Variants in TMPRSS11A observed in about 807,000 individuals in gnomAD.
TMPRSS11A encodes the protein transmembrane serine protease 11A.
A neutral mutation model predicts 58.9 loss-of-function variants in TMPRSS11A; 53 were observed. The observed-to-expected ratio is 0.90, with a 90% CI of 0.72 to 1.13. The LOEUF (loss-of-function observed/expected upper bound fraction) is 1.13. TMPRSS11A is among the 50% of genes most tolerant of loss of function. The pLI is 0.00. For missense variants in TMPRSS11A, 493 were observed against 499.3 expected (o/e 0.99, Z 0.12); for synonymous variants, 167 against 169.8 (o/e 0.98, Z 0.13).
intron 1 of TMPRSS11A, among the ~76,000 whole-genome samples, chr4:67,949,020 C>A (rs950230671): frequency 3.3e-5 from 5 of 151,922 alleles, no homozygotes; most frequent in Admixed American, 6.5e-5. Context: ...CATACATATT[C>A]AATTTGTTCA....
rs149115776 is a variant in TMPRSS11A, at chr4:67,946,519, C to A, written c.64G>T (p.Val22Phe). 6.2e-7 allele frequency: 1 copy of A among 1,612,402 alleles called. No individual in the cohort carries two copies. Among genetic ancestry groups the A allele is most frequent in the East Asian group, 2.2e-5 (1 of 44,744 alleles). The change falls in exon 2 of 10, where the codon GTT becomes TTT. Residue 22 changes from valine (V) to phenylalanine (F), a missense_variant. Transcript: ENST00000508048. Reference sequence around the variant, plus strand: ...ACTGTCAGGGACAACACAATGAGAACGGCAATCATCCATGGCTTCAGATTT... The same window carrying A: ...ACTGTCAGGGACAACACAATGAGAAAGGCAATCATCCATGGCTTCAGATTT... ...SRNLKPWMIA[V>F]LIVLSLTVVA... is the part of the protein sequence containing the mutation.
chr4:67,931,108 G>A (rs961846424), intron 4 of TMPRSS11A, among the ~76,000 whole-genome samples: 6 of 151,964 alleles, frequency 3.9e-5, no homozygotes, highest in African/African-American at 1.4e-4. Flanking sequence ...ATATGGTAAA[G>A]GAGAATTTGA....
chr4:67,939,817 T>A (rs910225545), intron 3 of TMPRSS11A, among the ~76,000 whole-genome samples: 1 of 152,020 alleles, frequency 6.6e-6, no homozygotes, highest in Non-Finnish European at 1.5e-5. Context: ...GCCCTCCGAG[T>A]AGCTGGGATT....
chr4:67,942,936 G>A (rs747889757), intron 3 of TMPRSS11A, among the ~76,000 whole-genome samples: 1 of 152,128 alleles, frequency 6.6e-6, no homozygotes, highest in Non-Finnish European at 1.5e-5. Context: ...AACACAAAAT[G>A]TAAGTTAAAA....
Position 67,963,469 on chromosome 4 carries a change from T to G in TMPRSS11A, c.-76A>C. 289 of 1,450,562 alleles carry G rather than the reference T, an allele frequency of 2.0e-4. No individual in the cohort carries two copies. The highest frequency in any genetic ancestry group is 2.6e-4 in the Non-Finnish European group (274 of 1,039,852). The allele number at this position is 1,450,562 out of a possible 1,614,324, so 89.9% of individuals were successfully genotyped here. A position where few individuals can be genotyped will look rare whatever the true frequency, so the allele number is the denominator to read the frequency against. ...TTTCTAATCAACTATATGACATCTC[T>G]AGATGTATTAGAAGTCTACGGCTCA... On this transcript the variant is annotated 5_prime_UTR_variant, in exon 1 of 10. Transcript: ENST00000508048.
intron 1 of TMPRSS11A, among the ~76,000 whole-genome samples, chr4:67,954,141 C>T (rs1184892484): frequency 2.0e-5 from 3 of 152,166 alleles, no homozygotes; most frequent in African/African-American, 7.2e-5. Context: ...ATTTCCTCAC[C>T]TATCTAGAAA....
In TMPRSS11A at chr4:67,911,350, C is replaced by T. The variant is rs1303463414; in HGVS notation, c.1249G>A (p.Gly417Ser). 1.2e-6 allele frequency: 2 copies of T among 1,612,660 alleles called. No individual in the cohort carries two copies. The highest frequency in any genetic ancestry group is 1.7e-6 in the Non-Finnish European group (2 of 1,179,280). ...YYRNWIASKT[G>S]I Reference sequence around the variant, plus strand: ...TTAACTTTTATCGTGAATTAGATGCCTGTTTTTGAAGCAATCCAGTTTCGG... The same window carrying T: ...TTAACTTTTATCGTGAATTAGATGCTTGTTTTTGAAGCAATCCAGTTTCGG... Residue 417 changes from glycine (G) to serine (S), a missense_variant, in exon 10 of 10, where the codon GGC becomes AGC. Transcript: ENST00000508048.
chr4:67,963,329 C>A, intron 1 of TMPRSS11A, 54 bp downstream of exon 1: 1 of 1,600,998 alleles, frequency 6.2e-7, no homozygotes, highest in African/African-American at 1.3e-5. Flanking sequence ...AGGAATCCGG[C>A]CACTGACAGA....
chr4:67,916,681 G>A (rs371769708), intron 8 of TMPRSS11A, among the ~76,000 whole-genome samples: 2 of 152,160 alleles, frequency 1.3e-5, no homozygotes, highest in Non-Finnish European at 1.5e-5. Context: ...AAAACAATTA[G>A]CCGGGCATGG....
At chr4:67,924,366 G>A (rs1420676924) in intron 5 of TMPRSS11A, among the ~76,000 whole-genome samples, 200 bp from the exon 6 acceptor site, 2 of 152,156 alleles carry the variant, frequency 1.3e-5, no homozygotes, top group African/African-American at 4.8e-5. Flanking sequence ...CTAATTAGGT[G>A]GATACTATCA....
intron 3 of TMPRSS11A, among the ~76,000 whole-genome samples, chr4:67,941,955 G>T (rs779629651): frequency 6.6e-6 from 1 of 152,050 alleles, no homozygotes; most frequent in African/African-American, 2.4e-5. Context: ...ATGGATAAGC[G>T]CAGTGTCCAC....
chr4:67,929,506 T>C (rs145789323), intron 5 of TMPRSS11A, among the ~76,000 whole-genome samples: 1 of 152,180 alleles, frequency 6.6e-6, no homozygotes, highest in Admixed American at 6.5e-5. Flanking sequence ...AATAAAAGTA[T>C]GGCAACACAT....
At position 67,914,705 on chromosome 4, in the gene TMPRSS11A, T is replaced by A; in HGVS notation, c.978A>T (p.Glu326Asp). The change falls in exon 9 of 10, where the codon GAA becomes GAT. Residue 326 changes from glutamate (E) to aspartate (D), a missense_variant. Coordinates refer to ENST00000508048, the MANE Select transcript of TMPRSS11A (RefSeq NM_001114387.2). ...YGGESQNDLR[E>D]ARVKIISDDV... Reference sequence around the variant, plus strand: ...CATCACTTATGATTTTCACTCTGGCTTCTCGGAGATCATTTTGGGATTCCC... The same window carrying A: ...CATCACTTATGATTTTCACTCTGGCATCTCGGAGATCATTTTGGGATTCCC... 4.3e-6 allele frequency: 7 copies of A among 1,613,054 alleles called. No individual in the cohort carries two copies. The highest frequency in any genetic ancestry group is 5.9e-6 in the Non-Finnish European group (7 of 1,179,462).
intron 4 of TMPRSS11A, 26 bp downstream of exon 4, chr4:67,931,967 T>C (rs749843103): frequency 6.8e-7 from 1 of 1,462,850 alleles, no homozygotes; most frequent in Non-Finnish European, 9.6e-7. Flanking sequence ...AGTCTTGTGA[T>C]TCCACCTTTG....
At chr4:67,952,913 G>C (rs992304599) in intron 1 of TMPRSS11A, among the ~76,000 whole-genome samples, 3 of 152,098 alleles carry the variant, frequency 2.0e-5, no homozygotes. Context: ...TGGAAAAAAT[G>C]GTTTAAATCA....
chr4:67,958,444 G>C (rs899830027), intron 1 of TMPRSS11A, among the ~76,000 whole-genome samples: 1 of 152,254 alleles, frequency 6.6e-6, no homozygotes. Flanking sequence ...TCATTTTGGA[G>C]CTTTAAGATT....
At chr4:67,920,905 C>T (rs1306408762) in intron 7 of TMPRSS11A, among the ~76,000 whole-genome samples, 3 of 152,106 alleles carry the variant, frequency 2.0e-5, no homozygotes, top group African/African-American at 7.2e-5. Flanking sequence ...AAATCATGCC[C>T]TTTGCAGGGA....
At chr4:67,941,832 TAAAG>T (rs1560570844) in intron 3 of TMPRSS11A, among the ~76,000 whole-genome samples, 1 of 152,054 alleles carries the variant, frequency 6.6e-6, no homozygotes, top group East Asian at 1.9e-4. Context: ...AAGGACTTCT[TAAAG>T]AAAAGCTTCA....
At chr4:67,950,737 A>G (rs1211225283) in intron 1 of TMPRSS11A, among the ~76,000 whole-genome samples, 1 of 152,262 alleles carries the variant, frequency 6.6e-6, no homozygotes. Context: ...TTTTTGAGGG[A>G]GAACTATTCG....
Sources: allele counts gnomAD v4.1 joint callset (sites outside exome capture counted in the v4.1 genomes callset), GRCh38; gene constraint gnomAD v4.1.1; transcripts MANE v1.5; gene names NCBI Gene and HGNC (gene_info 2026-07-23, HGNC 2026-07-21).